Variants in SLC26A8 observed in about 807,000 individuals in gnomAD.
SLC26A8 encodes testis anion transporter 1.
Under a neutral mutation model 105.0 loss-of-function variants are expected in SLC26A8, and 70 were observed. The observed-to-expected ratio is 0.67, with a 90% CI of 0.55 to 0.81. SLC26A8 has a LOEUF of 0.81. SLC26A8 is among the 40% of genes least tolerant of loss of function. The pLI is 0.00. For synonymous variants in SLC26A8, 415 were observed against 438.3 expected (o/e 0.95, Z 0.66); for missense variants, 998 against 1,181.8 (o/e 0.84, Z 2.28).
intron 10 of SLC26A8, chr6:35,969,963 G>A (rs185270103): frequency 2.0e-4 from 30 of 152,322 alleles, no homozygotes; most frequent in African/African-American, 7.0e-4. Flanking sequence ...AAACTAAGAA[G>A]CATAGTTTCC....
At chr6:35,962,239 A>T (rs1184746269) in intron 12 of SLC26A8, among the ~76,000 whole-genome samples, 1 of 152,110 alleles carries the variant, frequency 6.6e-6, no homozygotes, top group African/African-American at 2.4e-5. Context: ...AAAAAAAAAA[A>T]AAAGTTATCC....
Position 36,024,561 on chromosome 6 carries a change from G to A in SLC26A8, c.-60C>T, listed in dbSNP as rs1343590775. The A allele has an allele frequency of 5.2e-6, 2 of 381,432 alleles. No individual in the cohort carries two copies. Among genetic ancestry groups the A allele is most frequent in the Non-Finnish European group, 1.0e-5 (2 of 195,172 alleles). 23.6% of individuals were successfully genotyped at this position (381,432 alleles called of 1,614,324 possible). On this transcript the variant is annotated 5_prime_UTR_variant, in exon 1 of 20. Coordinates refer to ENST00000490799, the MANE Select transcript of SLC26A8 (RefSeq NM_052961.4). ...CTGGGATCCCACACGGCTCTCGCCTGGCTGGCGGCGCTGCGGACGCGGATA... is the reference window on the plus strand; with the variant it reads ...CTGGGATCCCACACGGCTCTCGCCTAGCTGGCGGCGCTGCGGACGCGGATA...
At chr6:35,976,296 C>A (rs1350774703) in intron 9 of SLC26A8, among the ~76,000 whole-genome samples, 1 of 150,464 alleles carries the variant, frequency 6.6e-6, no homozygotes, top group Non-Finnish European at 1.5e-5. Flanking sequence ...TGGTGGTGAG[C>A]ATCTGTAATC....
At chr6:36,001,246 A>C (rs1761513193) in intron 3 of SLC26A8, among the ~76,000 whole-genome samples, 1 of 151,908 alleles carries the variant, frequency 6.6e-6, no homozygotes. Flanking sequence ...CTCCTGCCTC[A>C]GCCTCCCGAG....
At chr6:35,967,173 G>A (rs945333301) in intron 11 of SLC26A8, among the ~76,000 whole-genome samples, 1 of 152,134 alleles carries the variant, frequency 6.6e-6, no homozygotes, top group Non-Finnish European at 1.5e-5. Flanking sequence ...TTGGCTCCAA[G>A]GTCCTTGAAT....
chr6:35,991,564 C>A, intron 7 of SLC26A8, 95 bp downstream of exon 7: 2 of 980,354 alleles, frequency 2.0e-6, no homozygotes, highest in East Asian at 2.9e-5. Context: ...ATATTGAAAA[C>A]TAAATGTATT....
intron 3 of SLC26A8, among the ~76,000 whole-genome samples, chr6:36,004,852 A>G (rs1761641183): frequency 6.9e-6 from 1 of 144,968 alleles, no homozygotes; most frequent in Non-Finnish European, 1.5e-5. Context: ...TTTAGTAGAG[A>G]CAAGGGTTTC....
chr6:35,953,542 G>A (rs2127293047), intron 17 of SLC26A8, among the ~76,000 whole-genome samples: 1 of 152,228 alleles, frequency 6.6e-6, no homozygotes, highest in East Asian at 1.9e-4. Flanking sequence ...CAGCAACGTG[G>A]GCTGAATAAA....
intron 8 of SLC26A8, among the ~76,000 whole-genome samples, chr6:35,979,007 ATTTTT>A (rs34335766): frequency 1.0e-5 from 1 of 98,306 alleles, no homozygotes; most frequent in Non-Finnish European, 2.0e-5. Flanking sequence ...CACCTGGCTA[ATTTTT>A]TTTTTTTTTT....
At chr6:36,004,305 G>A (rs559025005) in intron 3 of SLC26A8, among the ~76,000 whole-genome samples, 1 of 151,640 alleles carries the variant, frequency 6.6e-6, no homozygotes, top group Admixed American at 6.6e-5. Context: ...TGAGCTCCTG[G>A]GCTCAAGCAG....
chr6:36,004,674 G>C (rs77812847), intron 3 of SLC26A8, among the ~76,000 whole-genome samples: 2 of 73,596 alleles, frequency 2.7e-5, no homozygotes, highest in Non-Finnish European at 3.0e-5. Flanking sequence ...TCTTTTTTTT[G>C]TGTGTGACTG....
intron 3 of SLC26A8, among the ~76,000 whole-genome samples, chr6:36,005,676 T>G (rs1381646741): frequency 1.3e-5 from 2 of 152,226 alleles, no homozygotes; most frequent in Admixed American, 1.3e-4. Flanking sequence ...ATCACTTAGT[T>G]AAGCTATTTT....
At chr6:35,947,697 G>C (rs1771723400) in intron 19 of SLC26A8, among the ~76,000 whole-genome samples, 1 of 152,120 alleles carries the variant, frequency 6.6e-6, no homozygotes, top group Non-Finnish European at 1.5e-5. Flanking sequence ...TTGGGAGGTG[G>C]AGGTGGGTGG....
At chr6:35,982,247 T>C in intron 7 of SLC26A8, 44 bp from the exon 8 acceptor site, 1 of 1,576,520 alleles carries the variant, frequency 6.3e-7, no homozygotes, top group South Asian at 1.1e-5. Context: ...TATGAATACC[T>C]AAATATAGTG....
intron 8 of SLC26A8, among the ~76,000 whole-genome samples, chr6:35,979,110 C>A (rs1773166871): frequency 6.6e-6 from 1 of 150,872 alleles, no homozygotes. Flanking sequence ...CCTCAGCCTC[C>A]CACAGTGCTG....
At position 35,985,193 on chromosome 6, in the gene SLC26A8, G is replaced by C. The variant is rs570260423; in HGVS notation, c.943-2990C>G. Reference sequence around the variant, plus strand: ...GATCAAGCCAGTGTAAATCTTACAGGTATTGATTGATATATTGTGTCTCCC... The same window carrying C: ...GATCAAGCCAGTGTAAATCTTACAGCTATTGATTGATATATTGTGTCTCCC... On this transcript the variant is annotated intron_variant, in intron 7 of 19. Transcript: ENST00000490799. Among the ~76,000 whole-genome samples the C allele has an allele frequency of 1.1e-4, 17 of 152,204 alleles. No homozygotes were observed. The South Asian group carries it at 2.9e-3, about 26-fold the overall frequency.
intron 7 of SLC26A8, among the ~76,000 whole-genome samples, chr6:35,983,459 T>G (rs1458612903): frequency 3.9e-5 from 6 of 152,228 alleles, no homozygotes; most frequent in African/African-American, 1.4e-4. Flanking sequence ...TAATTTCTTA[T>G]AGCCAAGGGA....
intron 1 of SLC26A8, among the ~76,000 whole-genome samples, chr6:36,021,626 AT>A (rs1762128352): frequency 6.6e-6 from 1 of 152,058 alleles, no homozygotes; most frequent in Non-Finnish European, 1.5e-5. Context: ...AGCTCTAGCC[AT>A]TTTTGCCATC....
intron 3 of SLC26A8, among the ~76,000 whole-genome samples, chr6:36,004,264 A>G (rs1347945694): frequency 6.6e-6 from 1 of 151,382 alleles, no homozygotes; most frequent in African/African-American, 2.4e-5. Context: ...TTTCATAGAG[A>G]CAGGGTGTCA....
Sources: allele counts gnomAD v4.1 joint callset (sites outside exome capture counted in the v4.1 genomes callset), GRCh38; gene constraint gnomAD v4.1.1; transcripts MANE v1.5; gene names NCBI Gene and HGNC (gene_info 2026-07-23, HGNC 2026-07-21).